Variants in LRRIQ3 observed in about 807,000 individuals in gnomAD.
LRRIQ3 encodes leucine-rich repeat and IQ domain-containing protein 3.
LRRIQ3 carries 75 observed loss-of-function variants against 59.3 expected under a neutral mutation model. The ratio of observed to expected loss-of-function variants is 1.26; its 90% CI spans 1.05 to 1.53. The LOEUF (loss-of-function observed/expected upper bound fraction) is 1.53. Among genes scored for constraint, LRRIQ3 ranks in the 40% most tolerant of loss-of-function variants. The pLI, the probability that LRRIQ3 is intolerant of heterozygous loss-of-function variation, is 0.00. For missense variants in LRRIQ3, 831 were observed against 710.0 expected, an observed-to-expected ratio of 1.17 and a Z score of -1.94; for synonymous variants, 250 against 231.3, an observed-to-expected ratio of 1.08 and a Z score of -0.73.
At chr1:74,067,125 A>T (rs1407105017) in intron 6 of LRRIQ3, among the ~76,000 whole-genome samples, 1 of 152,158 alleles carries the variant, frequency 6.6e-6, no homozygotes, top group Admixed American at 6.6e-5. Context: ...CTAAAAAATG[A>T]CAACTGAAAT....
intron 4 of LRRIQ3, among the ~76,000 whole-genome samples, chr1:74,150,727 C>G (rs1185358432): frequency 2.6e-5 from 4 of 152,020 alleles, no homozygotes; most frequent in Non-Finnish European, 5.9e-5. Flanking sequence ...TGAAATTTGT[C>G]TTTCTAAAAC....
intron 4 of LRRIQ3, among the ~76,000 whole-genome samples, chr1:74,151,089 C>T (rs1425761653): frequency 1.4e-5 from 2 of 142,208 alleles, no homozygotes; most frequent in African/African-American, 2.6e-5. Flanking sequence ...GCGATCTCGG[C>T]TCACTACAAC....
intron 6 of LRRIQ3, among the ~76,000 whole-genome samples, chr1:74,045,547 G>T (rs969083292): frequency 2.0e-5 from 3 of 152,082 alleles, no homozygotes; most frequent in Non-Finnish European, 4.4e-5. Context: ...TTGAAAACCG[G>T]CACAAGACAA....
At chr1:74,097,125 G>T (rs1356875440) in intron 5 of LRRIQ3, among the ~76,000 whole-genome samples, 1 of 152,072 alleles carries the variant, frequency 6.6e-6, no homozygotes, top group African/African-American at 2.4e-5. Context: ...CCTTTTGGGG[G>T]AAGTTTGAAC....
intron 4 of LRRIQ3, among the ~76,000 whole-genome samples, chr1:74,142,281 T>C (rs1192593937): frequency 6.6e-6 from 1 of 151,962 alleles, no homozygotes; most frequent in Non-Finnish European, 1.5e-5. Flanking sequence ...CGCCAGTACT[T>C]CCACTTTACT....
chr1:74,101,682 A>G (rs868669734), intron 5 of LRRIQ3, among the ~76,000 whole-genome samples: 3 of 152,016 alleles, frequency 2.0e-5, no homozygotes, highest in South Asian at 4.1e-4. Flanking sequence ...ATGATAGACT[A>G]GATTAAGAAA....
At chr1:74,151,400 A>T (rs1016607519) in intron 4 of LRRIQ3, among the ~76,000 whole-genome samples, 24 of 152,058 alleles carry the variant, frequency 1.6e-4, no homozygotes, top group Non-Finnish European at 3.5e-4. Context: ...TAGAAGGCAA[A>T]TTTTTTTAAA....
intron 4 of LRRIQ3, among the ~76,000 whole-genome samples, chr1:74,153,040 A>G (rs1648087657): frequency 6.6e-6 from 1 of 152,188 alleles, no homozygotes; most frequent in African/African-American, 2.4e-5. Flanking sequence ...TGTACCTAAC[A>G]TGGTGCTTTA....
intron 3 of LRRIQ3, among the ~76,000 whole-genome samples, chr1:74,159,533 TTTTAAAC>T: frequency 6.6e-6 from 1 of 152,290 alleles, no homozygotes; most frequent in Non-Finnish European, 1.5e-5. Context: ...TTTTTCTCCC[TTTTAAAC>T]TTTTCTTAGT....
intron 5 of LRRIQ3, among the ~76,000 whole-genome samples, chr1:74,101,897 T>C (rs1646538811): frequency 6.6e-6 from 1 of 151,662 alleles, no homozygotes; most frequent in Non-Finnish European, 1.5e-5. Context: ...CATCACACAC[T>C]GGGGCCTGTC....
At chr1:74,187,584 G>A (rs1650484987) in intron 1 of LRRIQ3, among the ~76,000 whole-genome samples, 2 of 152,014 alleles carry the variant, frequency 1.3e-5, no homozygotes, top group Admixed American at 1.3e-4. Context: ...AGGACTCAAG[G>A]GTGAAGGTTG....
At chr1:74,075,163 C>T (rs2100481069) in intron 5 of LRRIQ3, among the ~76,000 whole-genome samples, 1 of 151,800 alleles carries the variant, frequency 6.6e-6, no homozygotes, top group South Asian at 2.1e-4. Flanking sequence ...AAGGGAGGTA[C>T]AAAATTATTT....
intron 5 of LRRIQ3, among the ~76,000 whole-genome samples, chr1:74,077,620 A>T (rs1646224953): frequency 6.6e-6 from 1 of 151,940 alleles, no homozygotes; most frequent in African/African-American, 2.4e-5. Flanking sequence ...TTTTTCATGT[A>T]TCTGGCTGTC....
At chr1:74,169,132 T>C (rs1234156433) in intron 3 of LRRIQ3, among the ~76,000 whole-genome samples, 2 of 152,140 alleles carry the variant, frequency 1.3e-5, no homozygotes, top group African/African-American at 4.8e-5. Flanking sequence ...TGCTGTAAAT[T>C]TGACTATGTT....
At chr1:74,141,080 T>C (rs1647234114) in intron 4 of LRRIQ3, among the ~76,000 whole-genome samples, 1 of 151,888 alleles carries the variant, frequency 6.6e-6, no homozygotes, top group Non-Finnish European at 1.5e-5. Context: ...TGTTTGTCTG[T>C]ATAATTGAAC....
chr1:74,082,157 T>G lies in LRRIQ3; in HGVS notation c.868-7367A>C, dbSNP rs557543302. ...AGTAAATATTTAAATTATGTCTTTT[T>G]CAAAATATTTCATAATTTACTGATT... On this transcript the variant is annotated intron_variant, in intron 5 of 7. Transcript: ENST00000354431. 3 of 151,734 alleles carry G rather than the reference T, an allele frequency of 2.0e-5. No individual in the cohort carries two copies. The East Asian group carries it at 5.8e-4, about 29-fold the overall frequency. The allele number at this position is 151,734 out of a possible 1,614,324, so 9.4% of individuals were successfully genotyped here.
intron 7 of LRRIQ3, among the ~76,000 whole-genome samples, chr1:74,029,580 T>C (rs1653632515): frequency 6.6e-6 from 1 of 152,148 alleles, no homozygotes; most frequent in East Asian, 1.9e-4. Context: ...ATTTTTGATC[T>C]ACTGCTGGAC....
Position 74,176,043 on chromosome 1 carries a change from T to C in LRRIQ3, c.573+6495A>G, listed in dbSNP as rs548018719. Among the ~76,000 whole-genome samples the C allele has an allele frequency of 5.9e-5, 9 of 152,328 alleles. No homozygotes were observed. The South Asian group carries it at 1.9e-3, about 32-fold the overall frequency. The stretch of plus-strand genomic sequence containing the variant: ...AGAAAGTGTATTTCGTTTACCCATA[T>C]TTTTGCTTACCATGTTCTTTCTTCC... On this transcript the variant is annotated intron_variant, in intron 3 of 7. Coordinates refer to ENST00000354431, the MANE Select transcript of LRRIQ3 (RefSeq NM_001105659.2).
chr1:74,117,525 G>A (rs151033005), intron 4 of LRRIQ3, among the ~76,000 whole-genome samples: 32 of 152,212 alleles, frequency 2.1e-4, no homozygotes, highest in African/African-American at 7.0e-4. Context: ...CAGAACTTTC[G>A]GAGGCCGAGG....
Sources: allele counts gnomAD v4.1 joint callset (sites outside exome capture counted in the v4.1 genomes callset), GRCh38; gene constraint gnomAD v4.1.1; transcripts MANE v1.5; gene names NCBI Gene and HGNC (gene_info 2026-07-23, HGNC 2026-07-21).